RDX: variants seen among roughly 807,000 people sequenced by gnomAD.
The protein encoded by RDX is radixin.
A neutral mutation model predicts 83.7 loss-of-function variants in RDX; 32 were observed. That is an observed-to-expected ratio of 0.38 (90% CI 0.29 to 0.51). The LOEUF (loss-of-function observed/expected upper bound fraction) is 0.51. Among genes scored for constraint, RDX ranks in the 20% least tolerant of loss-of-function variants. RDX has a pLI of 0.87. For synonymous variants in RDX, 229 were observed against 222.7 expected, an observed-to-expected ratio of 1.03 and a Z score of -0.25; for missense variants, 600 against 689.9, an observed-to-expected ratio of 0.87 and a Z score of 1.46.
chr11:110,240,570 C>T lies in RDX; in HGVS notation c.1091-2918G>A, dbSNP rs1350050724. ...CATCCTGGCTAACACGGTGAAACCCCGTCTCTACTAAAAATACAAAAAAAA... is the reference window on the plus strand; with the variant it reads ...CATCCTGGCTAACACGGTGAAACCCTGTCTCTACTAAAAATACAAAAAAAA... On this transcript the variant is annotated intron_variant, in intron 10 of 13. Transcript: ENST00000645495. 6.6e-5 allele frequency among the ~76,000 whole-genome samples: 10 copies of T among 151,180 alleles called. 1 individual carries two copies. The highest frequency in any genetic ancestry group is 2.4e-4 in the African/African-American group (10 of 41,196).
At chr11:110,293,897 C>T (rs1861342083) in intron 1 of RDX, among the ~76,000 whole-genome samples, 3 of 152,132 alleles carry the variant, frequency 2.0e-5, no homozygotes, top group South Asian at 4.1e-4. Flanking sequence ...AAATTTGACC[C>T]CGTTTTTAAA....
At chr11:110,207,054 C>T (rs1863632561) in intron 14 of RDX, among the ~76,000 whole-genome samples, 1 of 152,096 alleles carries the variant, frequency 6.6e-6, no homozygotes, top group South Asian at 2.1e-4. Context: ...CTCACTGTAA[C>T]CTCCACCTCC....
intron 15 of RDX, chr11:110,185,228 G>A (rs1033816351): frequency 2.0e-5 from 3 of 152,180 alleles, no homozygotes; most frequent in Non-Finnish European, 4.4e-5. Context: ...ACAGAAATGA[G>A]GATAATCCAT....
chr11:110,188,187 G>A (rs933131535), intron 15 of RDX, among the ~76,000 whole-genome samples: 2 of 151,976 alleles, frequency 1.3e-5, no homozygotes, highest in South Asian at 2.1e-4. Flanking sequence ...CCAGCTACTC[G>A]GGAGGCTGAG....
chr11:110,262,491 G>A (rs1048421007), intron 5 of RDX, among the ~76,000 whole-genome samples: 1 of 152,078 alleles, frequency 6.6e-6, no homozygotes, highest in Non-Finnish European at 1.5e-5. Context: ...AGGAGACTGA[G>A]GCAGGAGAAT....
intron 15 of RDX, among the ~76,000 whole-genome samples, chr11:110,199,059 C>T (rs866348429): frequency 6.6e-6 from 1 of 152,152 alleles, no homozygotes; most frequent in Admixed American, 6.5e-5. Flanking sequence ...AGGTGATCCA[C>T]CTGCCTCCAC....
rs1859499669 is a variant in RDX at position 110,255,370 on chromosome 11, A to C, written c.714T>G (p.Ile238Met). 1.3e-6 allele frequency: 2 copies of C among 1,547,426 alleles called. No individual in the cohort carries two copies. The highest frequency in any genetic ancestry group is 1.8e-6 in the Non-Finnish European group (2 of 1,119,902). Residue 238 changes from isoleucine to methionine, a missense_variant, in exon 8 of 14, where the codon ATT becomes ATG. Ile to Met is a conservative substitution (Grantham distance 10, BLOSUM62 1). Transcript: ENST00000645495. Reference sequence around the variant, plus strand: ...TTCTGATTTCACTCCAGGGAAAACCAATTTTAGGTGTTAACCTTAAAAAAT... The same window carrying C: ...TTCTGATTTCACTCCAGGGAAAACCCATTTTAGGTGTTAACCTTAAAAAAT... Reference protein sequence around the residue: ...YEHDDKLTPKIGFPWSEIRNI... With the variant: ...YEHDDKLTPKMGFPWSEIRNI...
intron 15 of RDX, among the ~76,000 whole-genome samples, chr11:110,181,111 G>A (rs1009362173): frequency 4.6e-5 from 7 of 151,642 alleles, no homozygotes; most frequent in African/African-American, 1.7e-4. Context: ...CAGCTCAGGT[G>A]GTGGCCAGGA....
At chr11:110,192,350 C>T (rs1863118180) in intron 15 of RDX, among the ~76,000 whole-genome samples, 1 of 152,178 alleles carries the variant, frequency 6.6e-6, no homozygotes, top group African/African-American at 2.4e-5. Context: ...AAGAATGAAA[C>T]TAGACCACTA....
chr11:110,293,706 G>T (rs532556390), intron 1 of RDX, among the ~76,000 whole-genome samples: 28 of 152,118 alleles, frequency 1.8e-4, no homozygotes, highest in Non-Finnish European at 3.1e-4. Flanking sequence ...GCCAGCTCGT[G>T]GTCTGCAGGA....
intron 14 of RDX, among the ~76,000 whole-genome samples, chr11:110,218,141 C>T (rs1408833378): frequency 1.3e-5 from 2 of 152,120 alleles, no homozygotes; most frequent in African/African-American, 2.4e-5. Flanking sequence ...CTCATGCCAA[C>T]GTGTCAGATT....
intron 3 of RDX, among the ~76,000 whole-genome samples, chr11:110,270,183 G>A (rs1047990592): frequency 5.3e-5 from 8 of 151,212 alleles, no homozygotes; most frequent in Non-Finnish European, 1.0e-4. Flanking sequence ...GAAATGCATC[G>A]TTAGACAATT....
intron 11 of RDX, chr11:110,236,657 G>GT (rs1272473238): frequency 6.2e-6 from 1 of 160,878 alleles, no homozygotes; most frequent in Non-Finnish European, 1.3e-5. Flanking sequence ...GTCTCGTTCT[G>GT]TCACCCAGGC....
At chr11:110,274,949 G>A (rs545868550) in intron 2 of RDX, among the ~76,000 whole-genome samples, 4 of 152,308 alleles carry the variant, frequency 2.6e-5, no homozygotes, top group African/African-American at 9.6e-5. Flanking sequence ...GTAATGAAGT[G>A]TGCACACCTT....
At chr11:110,218,790 T>C (rs965638136) in intron 14 of RDX, among the ~76,000 whole-genome samples, 2 of 152,198 alleles carry the variant, frequency 1.3e-5, no homozygotes, top group Non-Finnish European at 2.9e-5. Context: ...CCTGAAAGAC[T>C]TGGCTTAGGG....
chr11:110,273,635 C>G (rs1357706111), intron 2 of RDX, among the ~76,000 whole-genome samples: 1 of 152,246 alleles, frequency 6.6e-6, no homozygotes, highest in Non-Finnish European at 1.5e-5. Context: ...ATCTCAAAAA[C>G]TTAACACGCC....
intron 2 of RDX, among the ~76,000 whole-genome samples, chr11:110,274,370 A>G (rs994089036): frequency 6.6e-6 from 1 of 152,196 alleles, no homozygotes; most frequent in Admixed American, 6.5e-5. Context: ...ACGTAAATAT[A>G]TGTATCTGTT....
intron 14 of RDX, among the ~76,000 whole-genome samples, chr11:110,208,615 T>C (rs1863690635): frequency 6.6e-6 from 1 of 152,238 alleles, no homozygotes. Flanking sequence ...TGAATATTTC[T>C]TGAGCACAGA....
At chr11:110,211,449 C>A (rs1304403653) in intron 14 of RDX, among the ~76,000 whole-genome samples, 5 of 150,198 alleles carry the variant, frequency 3.3e-5, no homozygotes, top group African/African-American at 7.4e-5. Context: ...AACAAGGATA[C>A]CCAGGAATTG....
Sources: gnomAD v4.1 joint callset for allele counts (sites outside exome capture counted in the v4.1 genomes callset) on GRCh38, gnomAD v4.1.1 for gene constraint, MANE v1.5 for transcripts, NCBI Gene and HGNC (gene_info 2026-07-23, HGNC 2026-07-21) for gene names.